The following PLXDC2 variants were observed in gnomAD, a reference collection of about 807,000 sequenced individuals.
PLXDC2 encodes plexin domain containing 2.
PLXDC2 carries 40 observed loss-of-function variants against 68.9 expected under a neutral mutation model. The ratio of observed to expected loss-of-function variants is 0.58; its 90% CI spans 0.45 to 0.76. The LOEUF is 0.76. PLXDC2 is among the 30% of genes least tolerant of loss of function. PLXDC2 has a pLI of 0.00. For missense variants in PLXDC2, 644 were observed against 661.9 expected (o/e 0.97, Z 0.30); for synonymous variants, 243 against 234.2 (o/e 1.04, Z -0.34).
At chr10:20,051,572 CT>C (rs1835902467) in intron 3 of PLXDC2, among the ~76,000 whole-genome samples, 2 of 151,700 alleles carry the variant, frequency 1.3e-5, no homozygotes, top group African/African-American at 4.8e-5. Flanking sequence ...TGTTTGGCCT[CT>C]GTCTTGTCAG....
intron 1 of PLXDC2, among the ~76,000 whole-genome samples, chr10:19,921,112 CT>C (rs57207021): frequency 0.26 from 36,372 of 137,372 alleles, 4,599 homozygotes; most frequent in East Asian, 0.44. Flanking sequence ...TTTTCTTCTT[CT>C]TTTTTTTTTT....
chr10:20,148,730 T>A (rs995394559), intron 6 of PLXDC2, among the ~76,000 whole-genome samples: 1 of 152,100 alleles, frequency 6.6e-6, no homozygotes, highest in Admixed American at 6.6e-5. Flanking sequence ...AACCCATAGG[T>A]TAATGGGTAT....
intron 12 of PLXDC2, among the ~76,000 whole-genome samples, chr10:20,233,554 C>T (rs1588533691): frequency 6.6e-6 from 1 of 152,168 alleles, no homozygotes; most frequent in African/African-American, 2.4e-5. Flanking sequence ...TCCCATTTTA[C>T]ACTTGAAGTC....
intron 1 of PLXDC2, among the ~76,000 whole-genome samples, chr10:19,912,270 T>A (rs934538790): frequency 6.6e-6 from 1 of 152,212 alleles, no homozygotes; most frequent in Non-Finnish European, 1.5e-5. Context: ...AAAACTTGTT[T>A]TATTCTTTGT....
intron 2 of PLXDC2, among the ~76,000 whole-genome samples, chr10:20,030,184 G>A (rs755445691): frequency 4.8e-5 from 6 of 125,744 alleles, no homozygotes; most frequent in African/African-American, 1.7e-4. Context: ...ACAGCTCAAC[G>A]GCTCAGGAAC....
At chr10:19,936,328 G>T (rs1203146673) in intron 1 of PLXDC2, among the ~76,000 whole-genome samples, 13 of 152,200 alleles carry the variant, frequency 8.5e-5, no homozygotes, top group Non-Finnish European at 1.6e-4. Flanking sequence ...TATGTCAGGG[G>T]TTGGCAAATG....
At chr10:20,247,399 C>A (rs1367162774) in intron 13 of PLXDC2, among the ~76,000 whole-genome samples, 1 of 151,992 alleles carries the variant, frequency 6.6e-6, no homozygotes, top group Non-Finnish European at 1.5e-5. Context: ...ATTGCTTGAG[C>A]CCAGGAAATC....
chr10:19,990,043 T>A (rs1168358637), intron 1 of PLXDC2, among the ~76,000 whole-genome samples: 1 of 152,076 alleles, frequency 6.6e-6, no homozygotes, highest in East Asian at 1.9e-4. Context: ...CCACCGCACC[T>A]GGCCAGTGTT....
chr10:20,034,586 A>T (rs1034577055), intron 2 of PLXDC2, among the ~76,000 whole-genome samples: 1 of 152,180 alleles, frequency 6.6e-6, no homozygotes, highest in Non-Finnish European at 1.5e-5. Flanking sequence ...TCACTCTTTA[A>T]AGTCTGGTTT....
chr10:19,870,193 C>G lies in PLXDC2; in HGVS notation c.112+53002C>G, dbSNP rs1449680758. 2.0e-5 allele frequency among the ~76,000 whole-genome samples: 3 copies of G among 152,140 alleles called. No individual in the cohort carries two copies. In the East Asian group the frequency reaches 5.8e-4, roughly 29 times the overall value. ...TGAAGAGATACTGCAGCGTAAAACC[C>G]AAATTAAGTAAAGATAGACAGGGAG... On this transcript the variant is annotated intron_variant, in intron 1 of 13. Transcript: ENST00000377252.
chr10:20,161,821 C>A (rs937518981), intron 6 of PLXDC2, among the ~76,000 whole-genome samples: 1 of 151,956 alleles, frequency 6.6e-6, no homozygotes, highest in Non-Finnish European at 1.5e-5. Context: ...CACCTGAGGT[C>A]AGGAGTTCAA....
rs778584936 is a variant in PLXDC2 at position 20,238,692 on chromosome 10, T to TATAC, written c.1313-6652_1313-6651insTACA. On this transcript the variant is annotated intron_variant, in intron 12 of 13. Coordinates refer to ENST00000377252, the MANE Select transcript of PLXDC2 (RefSeq NM_032812.9). Reference sequence around the variant, plus strand: ...ATATATATATGTATATATATATATATACACACATATATATGTGTATATATA... The same window carrying TATAC: ...ATATATATATGTATATATATATATATATACACACACATATATATGTGTATATATA... Among the ~76,000 whole-genome samples the TATAC allele has an allele frequency of 9.1e-4, 108 of 118,304 alleles. 3 individuals are homozygous for TATAC. Among genetic ancestry groups the TATAC allele is most frequent in the Admixed American group, 2.1e-3 (23 of 11,142 alleles). The allele number at this position is 118,304 out of a possible 152,430, so 77.6% of individuals were successfully genotyped here.
At chr10:19,854,592 C>T (rs1345146044) in intron 1 of PLXDC2, among the ~76,000 whole-genome samples, 1 of 152,152 alleles carries the variant, frequency 6.6e-6, no homozygotes, top group African/African-American at 2.4e-5. Context: ...GACGCAAGAC[C>T]TAGATTTTTT....
At chr10:20,129,952 C>G (rs1833845923) in intron 4 of PLXDC2, among the ~76,000 whole-genome samples, 1 of 152,044 alleles carries the variant, frequency 6.6e-6, no homozygotes, top group Admixed American at 6.6e-5. Context: ...GTGATGCCTC[C>G]AGCTTTGTTC....
chr10:19,925,174 G>C (rs1478744060), intron 1 of PLXDC2, among the ~76,000 whole-genome samples: 1 of 152,204 alleles, frequency 6.6e-6, no homozygotes. Flanking sequence ...CCTAGGTCCT[G>C]CAGGAAAGTC....
intron 1 of PLXDC2, among the ~76,000 whole-genome samples, chr10:19,833,469 G>A (rs1472881505): frequency 1.3e-5 from 2 of 152,196 alleles, no homozygotes; most frequent in Admixed American, 1.3e-4. Flanking sequence ...TCTGGATGTG[G>A]AAAACATTAT....
intron 6 of PLXDC2, among the ~76,000 whole-genome samples, chr10:20,155,271 C>T (rs2131805392): frequency 6.6e-6 from 1 of 152,240 alleles, no homozygotes; most frequent in Non-Finnish European, 1.5e-5. Context: ...TGAACATTGG[C>T]TGAACTTGTA....
Position 19,859,524 on chromosome 10 carries a change from A to T in PLXDC2, c.112+42333A>T, listed in dbSNP as rs567788677. Among the ~76,000 whole-genome samples, 11 of 152,288 alleles carry T rather than the reference A, an allele frequency of 7.2e-5. No individual in the cohort carries two copies. The South Asian group carries it at 2.3e-3, about 32-fold the overall frequency. ...AATATGTAATATGCAAATAATATGTAATTGAAATTACATATTAATTTCAGA... is the reference window on the plus strand; with the variant it reads ...AATATGTAATATGCAAATAATATGTTATTGAAATTACATATTAATTTCAGA... On this transcript the variant is annotated intron_variant, in intron 1 of 13. Coordinates refer to ENST00000377252, the MANE Select transcript of PLXDC2 (RefSeq NM_032812.9).
At chr10:19,986,704 C>T (rs144512131) in intron 1 of PLXDC2, among the ~76,000 whole-genome samples, 1 of 152,134 alleles carries the variant, frequency 6.6e-6, no homozygotes, top group Admixed American at 6.5e-5. Flanking sequence ...AGTGAGAACA[C>T]GGTGATGTCT....
Sources: allele counts gnomAD v4.1 joint callset (sites outside exome capture counted in the v4.1 genomes callset), GRCh38; gene constraint gnomAD v4.1.1; transcripts MANE v1.5; gene names NCBI Gene and HGNC (gene_info 2026-07-23, HGNC 2026-07-21).